Variants in OPHN1 observed in about 807,000 individuals in gnomAD.
The protein encoded by OPHN1 is oligophrenin-1.
A neutral mutation model predicts 60.7 loss-of-function variants in OPHN1; 11 were observed. The ratio of observed to expected loss-of-function variants is 0.18; its 90% CI spans 0.11 to 0.30. The LOEUF (loss-of-function observed/expected upper bound fraction) is 0.30. Ranked by LOEUF, OPHN1 falls within the 10% of genes least tolerant of loss-of-function variation. OPHN1 has a pLI of 1.00. For missense variants in OPHN1, 449 were observed against 611.0 expected (o/e 0.73, Z 2.80); for synonymous variants, 226 against 222.6 (o/e 1.02, Z -0.14).
chrX:68,074,932 A>T (rs1043809631), intron 19 of OPHN1, among the ~76,000 whole-genome samples: 3 of 112,328 alleles, frequency 2.7e-5, no homozygotes, highest in Non-Finnish European at 5.6e-5. Flanking sequence ...TACTATTAAC[A>T]GCTACTAACT....
At chrX:68,131,516 A>C (rs907564506) in intron 15 of OPHN1, among the ~76,000 whole-genome samples, 1 of 111,991 alleles carries the variant, frequency 8.9e-6, no homozygotes, top group Non-Finnish European at 1.9e-5. Context: ...GTGCCCAGCC[A>C]CAAAGAACAC....
At chrX:68,267,014 A>C (rs1049035363) in intron 5 of OPHN1, among the ~76,000 whole-genome samples, 22 of 111,905 alleles carry the variant, frequency 2.0e-4, no homozygotes, top group Admixed American at 4.8e-4. Flanking sequence ...ACAGGAGCAC[A>C]CAGATTCATA....
intron 12 of OPHN1, among the ~76,000 whole-genome samples, chrX:68,194,986 A>G (rs1429667790): frequency 1.4e-4 from 13 of 91,313 alleles, no homozygotes; most frequent in Admixed American, 7.4e-4. Context: ...GAAAGAAAGA[A>G]AGAGAGAGAG....
At chrX:68,251,886 C>A in intron 5 of OPHN1, among the ~76,000 whole-genome samples, 1 of 112,054 alleles carries the variant, frequency 8.9e-6, no homozygotes, top group Non-Finnish European at 1.9e-5. Context: ...AATTTCCCCC[C>A]ACCTCTCTGT....
chrX:68,184,634 T>C (rs2077454246), intron 15 of OPHN1, among the ~76,000 whole-genome samples: 1 of 111,222 alleles, frequency 9.0e-6, no homozygotes, highest in African/African-American at 3.3e-5. Context: ...CTTACTGTTG[T>C]TGCCCAGGCT....
intron 2 of OPHN1, among the ~76,000 whole-genome samples, chrX:68,303,384 C>T (rs192324723): frequency 2.7e-5 from 3 of 111,482 alleles, no homozygotes; most frequent in African/African-American, 6.5e-5. Flanking sequence ...CAGTGGCTCA[C>T]GCCTGTAATC....
intron 3 of OPHN1, among the ~76,000 whole-genome samples, chrX:68,284,145 T>C (rs2078030562): frequency 9.0e-6 from 1 of 111,537 alleles, no homozygotes; most frequent in South Asian, 3.8e-4. Context: ...CACGATCAGT[T>C]TACCTCTAAA....
intron 20 of OPHN1, chrX:68,071,702 T>TG: frequency 1.9e-6 from 1 of 516,642 alleles, no homozygotes; most frequent in South Asian, 2.7e-5. Context: ...TGAAGTCCAC[T>TG]CTCATAATGA....
At position 68,262,718 on chromosome X, in the gene OPHN1, C is replaced by T. The variant is rs181484474; in HGVS notation, c.384+12020G>A. Among the ~76,000 whole-genome samples, 372 of 111,813 alleles carry T rather than the reference C, an allele frequency of 3.3e-3. 2 individuals are homozygous for T. The highest frequency in any genetic ancestry group is 0.012 in the African/African-American group (354 of 30,727). On this transcript the variant is annotated intron_variant, in intron 5 of 24. Coordinates refer to ENST00000355520, the MANE Select transcript of OPHN1 (RefSeq NM_002547.3). ...AAAAGAAGCGCTTGAACCCGGGAGG[C>T]GGAGGTTGCGGTGAGCTGAGATCAC...
chrX:68,403,518 C>T (rs1411554235), intron 2 of OPHN1, among the ~76,000 whole-genome samples: 2 of 111,510 alleles, frequency 1.8e-5, no homozygotes, highest in Non-Finnish European at 3.8e-5. Flanking sequence ...CATGTGCAAG[C>T]GTGTTTTCTT....
At chrX:68,052,708 C>G in intron 22 of OPHN1, 118 bp from the exon 23 acceptor site, 2 of 652,581 alleles carry the variant, frequency 3.1e-6, no homozygotes, top group Admixed American at 5.4e-5. Flanking sequence ...CAGCCCCTGC[C>G]TTTGCTGGCA....
At chrX:68,071,208 C>A (rs2076932862) in intron 20 of OPHN1, 1 of 668,605 alleles carries the variant, frequency 1.5e-6, no homozygotes, top group Non-Finnish European at 2.5e-6. Flanking sequence ...CCTTCTTCAT[C>A]AAAAAACCAC....
chrX:68,185,344 C>T (rs1444502402), intron 15 of OPHN1, among the ~76,000 whole-genome samples: 1 of 112,000 alleles, frequency 8.9e-6, no homozygotes, highest in Non-Finnish European at 1.9e-5. Context: ...AAAAAGTATT[C>T]ATTAATTCCA....
intron 5 of OPHN1, among the ~76,000 whole-genome samples, chrX:68,267,034 C>A (rs1007537651): frequency 9.0e-6 from 1 of 111,400 alleles, no homozygotes; most frequent in African/African-American, 3.3e-5. Context: ...AAAGCAAGTC[C>A]TTAGAGATCG....
chrX:68,433,383 G>A lies in OPHN1; in HGVS notation c.-220C>T, dbSNP rs891107453. 3.2e-5 allele frequency: 9 copies of A among 284,823 alleles called. No homozygotes were observed. The highest frequency in any genetic ancestry group is 2.4e-4 in the African/African-American group (9 of 36,944). 23.5% of individuals were successfully genotyped at this position (284,823 alleles called of 1,213,427 possible). A position where few individuals can be genotyped will look rare whatever the true frequency, so the allele number is the denominator to read the frequency against. On this transcript the variant is annotated 5_prime_UTR_variant, in exon 1 of 25. Transcript: ENST00000355520. Reference sequence around the variant, plus strand: ...CGGAGACGGGCCGGATCCTTCCTGAGCAATTGCAAACGTGACACTTGGGCC... The same window carrying A: ...CGGAGACGGGCCGGATCCTTCCTGAACAATTGCAAACGTGACACTTGGGCC...
chrX:68,258,798 CA>C (rs1312174632), intron 5 of OPHN1, among the ~76,000 whole-genome samples: 1 of 111,398 alleles, frequency 9.0e-6, no homozygotes, highest in Admixed American at 9.6e-5. Context: ...TGTGTCTGTA[CA>C]GCAAATTTCT....
chrX:68,210,393 C>A lies in OPHN1; in HGVS notation c.703-111G>T. The stretch of plus-strand genomic sequence containing the variant: ...TTTCCCTGCTTACAGCATGTGCAAC[C>A]ACAAAGCAAAAAAAGAAATGGTGAA... On this transcript the variant is annotated intron_variant, in intron 8 of 24. Coordinates refer to ENST00000355520, the MANE Select transcript of OPHN1 (RefSeq NM_002547.3). The A allele has an allele frequency of 1.2e-5, 9 of 767,209 alleles. No individual in the cohort carries two copies. The Admixed American group carries it at 1.5e-4, about 13-fold the overall frequency. The allele number at this position is 767,209 out of a possible 1,213,427, so 63.2% of individuals were successfully genotyped here. A position where few individuals can be genotyped will look rare whatever the true frequency, so the allele number is the denominator to read the frequency against.
intron 2 of OPHN1, among the ~76,000 whole-genome samples, chrX:68,396,575 G>A (rs1171178209): frequency 9.1e-6 from 1 of 110,340 alleles, no homozygotes. Context: ...AGTACTTTGG[G>A]AGGCCGAGGC....
At position 68,064,238 on chromosome X, in the gene OPHN1, G is replaced by T. The variant is rs2076905100; in HGVS notation, c.1835-61C>A. On this transcript the variant is annotated intron_variant, in intron 20 of 24. Coordinates refer to ENST00000355520, the MANE Select transcript of OPHN1 (RefSeq NM_002547.3). ...ATAACTTTTAAAACCTTTTCATTTTGATACATGCATACATACTTAATTTTG... is the reference window on the plus strand; with the variant it reads ...ATAACTTTTAAAACCTTTTCATTTTTATACATGCATACATACTTAATTTTG... 4.7e-6 allele frequency: 5 copies of T among 1,068,385 alleles called. No individual in the cohort carries two copies. The African/African-American group carries it at 5.5e-5, about 12-fold the overall frequency. 88.0% of individuals were successfully genotyped at this position (1,068,385 alleles called of 1,213,427 possible).
Sources: gnomAD v4.1 joint callset for allele counts (sites outside exome capture counted in the v4.1 genomes callset) on GRCh38, gnomAD v4.1.1 for gene constraint, MANE v1.5 for transcripts, NCBI Gene and HGNC (gene_info 2026-07-23, HGNC 2026-07-21) for gene names.